Variants in MMP20 observed in about 807,000 individuals in gnomAD.
MMP20 encodes matrix metalloproteinase-20.
A neutral mutation model predicts 51.8 loss-of-function variants in MMP20; 50 were observed. The observed-to-expected ratio is 0.97, with a 90% CI of 0.77 to 1.22. The LOEUF is 1.22. MMP20 is among the 50% of genes most tolerant of loss of function. The pLI is 0.00. For missense variants in MMP20, 663 were observed against 601.4 expected, an observed-to-expected ratio of 1.10 and a Z score of -1.07; for synonymous variants, 244 against 216.2, an observed-to-expected ratio of 1.13 and a Z score of -1.13.
At position 102,577,235 on chromosome 11, in the gene MMP20, T is replaced by A. The variant is rs1771215185; in HGVS notation, c.*91A>T. 1.2e-6 allele frequency: 1 copy of A among 843,970 alleles called. No individual in the cohort carries two copies. The allele number at this position is 843,970 out of a possible 1,614,324, so 52.3% of individuals were successfully genotyped here. A position where few individuals can be genotyped will look rare whatever the true frequency, so the allele number is the denominator to read the frequency against. On this transcript the variant is annotated 3_prime_UTR_variant, in exon 10 of 10. Coordinates refer to ENST00000260228, the MANE Select transcript of MMP20 (RefSeq NM_004771.4). ...TTTGATTTGAAGGCCTTTGGAAGAA[T>A]CCCTCTCCTACATTCTGCTTTAGTC...
At chr11:102,588,898 G>A (rs2135931304) in intron 8 of MMP20, among the ~76,000 whole-genome samples, 1 of 150,636 alleles carries the variant, frequency 6.6e-6, no homozygotes, top group Admixed American at 6.6e-5. Flanking sequence ...TGAGAACTTT[G>A]AGTATGCTTT....
intron 4 of MMP20, 63 bp from the exon 5 acceptor site, chr11:102,609,161 T>A: frequency 7.1e-7 from 1 of 1,415,914 alleles, no homozygotes; most frequent in South Asian, 1.2e-5. Context: ...CCATCTTCCA[T>A]CTTTATAGTA....
chr11:102,583,115 C>G (rs1307497196), intron 8 of MMP20, among the ~76,000 whole-genome samples: 1 of 152,126 alleles, frequency 6.6e-6, no homozygotes, highest in African/African-American at 2.4e-5. Context: ...CTTCTTGTTC[C>G]CCTAAATCTG....
chr11:102,592,666 T>C (rs1038736303), intron 8 of MMP20, among the ~76,000 whole-genome samples: 1 of 152,262 alleles, frequency 6.6e-6, no homozygotes, highest in Non-Finnish European at 1.5e-5. Flanking sequence ...CATTGTCACC[T>C]GCTTAGAATC....
At chr11:102,617,648 G>T (rs1404776858) in intron 1 of MMP20, among the ~76,000 whole-genome samples, 2 of 152,166 alleles carry the variant, frequency 1.3e-5, no homozygotes, top group Non-Finnish European at 2.9e-5. Flanking sequence ...ATGTGGGCTG[G>T]ATTTTGTTTC....
chr11:102,616,744 T>C (rs1859675997), intron 2 of MMP20, 68 bp downstream of exon 2: 2 of 1,594,718 alleles, frequency 1.3e-6, no homozygotes, highest in Non-Finnish European at 1.7e-6. Context: ...GAAAATATTT[T>C]TTCAAGAAAA....
At chr11:102,579,904 T>C (rs542870676) in intron 8 of MMP20, among the ~76,000 whole-genome samples, 1 of 152,378 alleles carries the variant, frequency 6.6e-6, no homozygotes, top group South Asian at 2.1e-4. Flanking sequence ...CATCAAATCA[T>C]TGAAAGCCTT....
intron 2 of MMP20, among the ~76,000 whole-genome samples, chr11:102,616,292 C>CT (rs1266987791): frequency 6.6e-6 from 1 of 152,152 alleles, no homozygotes; most frequent in African/African-American, 2.4e-5. Context: ...TGCTTTTGCA[C>CT]TTTTCACACA....
chr11:102,580,157 C>T (rs1859176597), intron 8 of MMP20, among the ~76,000 whole-genome samples: 1 of 152,192 alleles, frequency 6.6e-6, no homozygotes, highest in Admixed American at 6.5e-5. Flanking sequence ...GGATCAGCAA[C>T]CAGCATTCAA....
Position 102,577,347 on chromosome 11 carries a change from A to G in MMP20, c.1431T>C (p.Ser477=), listed in dbSNP as rs762917397. ...CTATTTAGCAACCAATCCAGGAACT[A>G]GATTTCACCACACTAACCACATCTT... The part of the protein sequence containing the change: ...EKEDVVSVVK[S]SSWIGC Residue 477 remains serine (S), a synonymous_variant, in exon 10 of 10, where the codon TCT becomes TCC. Transcript: ENST00000260228. 6.2e-7 allele frequency: 1 copy of G among 1,613,320 alleles called. No individual in the cohort carries two copies. The highest frequency in any genetic ancestry group is 8.5e-7 in the Non-Finnish European group (1 of 1,179,360).
At chr11:102,578,132 G>C (rs946562355) in intron 9 of MMP20, among the ~76,000 whole-genome samples, 2 of 149,008 alleles carry the variant, frequency 1.3e-5, no homozygotes, top group Non-Finnish European at 3.0e-5. Flanking sequence ...AAAGCACTGA[G>C]AAGCTTGAGA....
intron 6 of MMP20, among the ~76,000 whole-genome samples, chr11:102,598,304 A>G (rs943804833): frequency 1.3e-5 from 2 of 152,218 alleles, no homozygotes; most frequent in African/African-American, 4.8e-5. Context: ...GCCTCTTGGA[A>G]AAGAACAGCT....
chr11:102,609,398 T>A (rs533235075), intron 4 of MMP20, among the ~76,000 whole-genome samples: 2 of 152,334 alleles, frequency 1.3e-5, no homozygotes, highest in South Asian at 4.1e-4. Context: ...ATAGTGGCAA[T>A]GCTATTTGGC....
In MMP20 at chr11:102,608,922, A is replaced by G; in HGVS notation, c.811+15T>C. ...CAATTTCAGGGTGAGTCATCAAAGA[A>G]GGTAATAATCTTACCGTATAATGCC... On this transcript the variant is annotated intron_variant, in intron 5 of 9. Coordinates refer to ENST00000260228, the MANE Select transcript of MMP20 (RefSeq NM_004771.4). 1.2e-6 allele frequency: 2 copies of G among 1,613,226 alleles called. No homozygotes were observed. The highest frequency in any genetic ancestry group is 8.5e-7 in the Non-Finnish European group (1 of 1,179,196).
At position 102,608,970 on chromosome 11, in the gene MMP20, TG is replaced by T; in HGVS notation, c.777del (p.Asp261MetfsTer3). On this transcript the variant is annotated frameshift_variant, in exon 5 of 10. Transcript: ENST00000260228. LOFTEE classifies it high-confidence loss of function. ...KYKNPYGFHL[P>X]KDDVKGIQAL... is the part of the protein sequence containing the mutation. ...GCCTGGATCCCTTTCACATCATCTTTGGGGAGGTGGAATCCATAGGGATTCT... is the reference window on the plus strand; with the variant it reads ...GCCTGGATCCCTTTCACATCATCTTTGGGAGGTGGAATCCATAGGGATTCT... 6.2e-7 allele frequency: 1 copy of T among 1,614,108 alleles called. No individual in the cohort carries two copies. Among genetic ancestry groups the T allele is most frequent in the Non-Finnish European group, 8.5e-7 (1 of 1,179,980 alleles).
chr11:102,624,729 A>G (rs1859797477), intron 1 of MMP20, among the ~76,000 whole-genome samples: 1 of 152,314 alleles, frequency 6.6e-6, no homozygotes, highest in East Asian at 1.9e-4. Context: ...AATTTTGATC[A>G]GGGTTACCTT....
chr11:102,589,247 C>T (rs1307739034), intron 8 of MMP20, among the ~76,000 whole-genome samples: 2 of 152,180 alleles, frequency 1.3e-5, no homozygotes, highest in Non-Finnish European at 2.9e-5. Flanking sequence ...CTGGAAGCCA[C>T]CCACCCGCAC....
chr11:102,617,149 T>C lies in MMP20; in HGVS notation c.127-90A>G, dbSNP rs1023745105. 1.4e-5 allele frequency: 20 copies of C among 1,466,836 alleles called. No individual in the cohort carries two copies. In the South Asian group the frequency reaches 2.2e-4, roughly 16 times the overall value. The allele number at this position is 1,466,836 out of a possible 1,614,324, so 90.9% of individuals were successfully genotyped here. A position where few individuals can be genotyped will look rare whatever the true frequency, so the allele number is the denominator to read the frequency against. On this transcript the variant is annotated intron_variant, in intron 1 of 9. Coordinates refer to ENST00000260228, the MANE Select transcript of MMP20 (RefSeq NM_004771.4). ...GGCAGGGGACAGCATTCCTGATGTA[T>C]TAAAAGCAGTGTGTAGAGTATTTTC... is the stretch of plus-strand genomic sequence containing the variant.
chr11:102,600,653 T>A (rs945801558), intron 6 of MMP20, among the ~76,000 whole-genome samples: 1 of 151,984 alleles, frequency 6.6e-6, no homozygotes, highest in East Asian at 1.9e-4. Context: ...CTGGCTAATT[T>A]TTTTTGTATT....
Sources: gnomAD v4.1 joint callset for allele counts (sites outside exome capture counted in the v4.1 genomes callset) on GRCh38, gnomAD v4.1.1 for gene constraint, MANE v1.5 for transcripts, NCBI Gene and HGNC (gene_info 2026-07-23, HGNC 2026-07-21) for gene names.